CSMD1: variants seen among roughly 807,000 people sequenced by gnomAD.
CSMD1 encodes the protein CUB and Sushi multiple domains 1.
A neutral mutation model predicts 417.5 loss-of-function variants in CSMD1; 213 were observed. The ratio of observed to expected loss-of-function variants is 0.51; its 90% CI spans 0.46 to 0.57. CSMD1 has a LOEUF of 0.57. CSMD1 is among the 20% of genes least tolerant of loss of function. The pLI is 0.00. For synonymous variants in CSMD1, 2,862 were observed against 1,736.8 expected (o/e 1.65, Z -16.11); for missense variants, 6,923 against 4,529.7 (o/e 1.53, Z -15.17).
chr8:3,792,659 A>G (rs1006514434), intron 5 of CSMD1, among the ~76,000 whole-genome samples: 3 of 152,188 alleles, frequency 2.0e-5, no homozygotes, highest in Non-Finnish European at 4.4e-5. Context: ...ATGTTACAGA[A>G]AACAAAACAG....
chr8:3,482,366 G>C (rs977932258), intron 11 of CSMD1, among the ~76,000 whole-genome samples: 2 of 152,106 alleles, frequency 1.3e-5, no homozygotes, highest in African/African-American at 4.8e-5. Flanking sequence ...AAAAGCAGGA[G>C]TGCCTATGTT....
At chr8:4,196,156 A>G (rs542542768) in intron 3 of CSMD1, among the ~76,000 whole-genome samples, 1 of 152,246 alleles carries the variant, frequency 6.6e-6, no homozygotes, top group Admixed American at 6.5e-5. Flanking sequence ...GCTTGCAGGG[A>G]GCCGAGATCG....
intron 3 of CSMD1, among the ~76,000 whole-genome samples, chr8:4,408,911 T>C (rs1054102925): frequency 6.6e-6 from 1 of 152,194 alleles, no homozygotes; most frequent in Non-Finnish European, 1.5e-5. Flanking sequence ...CAACTTTAGG[T>C]AGCAAGAACA....
intron 3 of CSMD1, among the ~76,000 whole-genome samples, chr8:4,042,812 T>C (rs1239067968): frequency 4.1e-4 from 8 of 19,622 alleles, no homozygotes; most frequent in African/African-American, 1.5e-3. Context: ...TGGTACAACA[T>C]ATTAAAAAAA....
At chr8:3,998,134 A>G (rs1207718050) in intron 4 of CSMD1, 24 bp from the exon 5 acceptor site, 1 of 1,541,596 alleles carries the variant, frequency 6.5e-7, no homozygotes, top group Non-Finnish European at 8.8e-7. Flanking sequence ...AGCAGAAAGA[A>G]AGCATCACAT....
chr8:4,600,412 T>C (rs770657467), intron 2 of CSMD1, among the ~76,000 whole-genome samples: 3 of 152,176 alleles, frequency 2.0e-5, no homozygotes, highest in Admixed American at 1.3e-4. Flanking sequence ...TAGCTACAGA[T>C]GGATATGTTC....
At chr8:4,658,108 C>A (rs998604713) in intron 1 of CSMD1, among the ~76,000 whole-genome samples, 12 of 151,778 alleles carry the variant, frequency 7.9e-5, no homozygotes, top group African/African-American at 2.9e-4. Context: ...ACACATGGGG[C>A]ACCATGAAAC....
intron 2 of CSMD1, among the ~76,000 whole-genome samples, chr8:4,433,354 T>A (rs150139427): frequency 6.6e-6 from 1 of 152,114 alleles, no homozygotes; most frequent in Non-Finnish European, 1.5e-5. Flanking sequence ...TGCTATTATA[T>A]ACAACTCATA....
At chr8:4,200,989 C>T (rs1337264133) in intron 3 of CSMD1, among the ~76,000 whole-genome samples, 1 of 152,056 alleles carries the variant, frequency 6.6e-6, no homozygotes, top group Non-Finnish European at 1.5e-5. Context: ...ACTTTTTCTC[C>T]ACAGCGCCGT....
chr8:4,545,003 T>C lies in CSMD1; in HGVS notation c.302+92339A>G, dbSNP rs547980421. On this transcript the variant is annotated intron_variant, in intron 2 of 69. Coordinates refer to ENST00000635120, the MANE Select transcript of CSMD1 (RefSeq NM_033225.6). ...CATATTCGTAATGCATTTTACTCTATATTTATCACGCACGTATCTGAATGC... is the reference window on the plus strand; with the variant it reads ...CATATTCGTAATGCATTTTACTCTACATTTATCACGCACGTATCTGAATGC... Among the ~76,000 whole-genome samples, 6 of 152,334 alleles carry C rather than the reference T, an allele frequency of 3.9e-5. No individual in the cohort carries two copies. The South Asian group carries it at 1.2e-3, about 32-fold the overall frequency.
chr8:3,646,916 G>C (rs1343585523), intron 7 of CSMD1, among the ~76,000 whole-genome samples: 2 of 152,056 alleles, frequency 1.3e-5, no homozygotes, highest in African/African-American at 2.4e-5. Flanking sequence ...AGGTAGGGCA[G>C]ATACAAAAAA....
Position 3,223,824 on chromosome 8 carries a change from C to T in CSMD1, c.4389G>A (p.Leu1463=). Residue 1463 remains leucine (L), a synonymous_variant, in exon 28 of 70, where the codon TTG becomes TTA. Transcript: ENST00000635120. ...GNLTGPAGVI[L]SPNYPQPYPP... The stretch of plus-strand genomic sequence containing the variant: ...GATACGGCTGTGGGTAGTTGGGTGA[C>T]AAAATAACACCTGCTGGGCCCGTCA... 6.2e-7 allele frequency: 1 copy of T among 1,613,764 alleles called. No individual in the cohort carries two copies. The highest frequency in any genetic ancestry group is 1.3e-5 in the African/African-American group (1 of 74,990).
At chr8:3,309,393 G>A (rs1805150908) in intron 23 of CSMD1, among the ~76,000 whole-genome samples, 1 of 143,842 alleles carries the variant, frequency 7.0e-6, no homozygotes, top group Non-Finnish European at 1.5e-5. Context: ...TGAGGCTCTT[G>A]AGGAAATCCA....
intron 1 of CSMD1, among the ~76,000 whole-genome samples, chr8:4,864,389 A>C (rs1181893135): frequency 6.6e-6 from 1 of 151,952 alleles, no homozygotes. Context: ...TTTGTCTTTC[A>C]ATGGTTTAAA....
intron 1 of CSMD1, among the ~76,000 whole-genome samples, chr8:4,908,514 T>A (rs1382814569): frequency 6.6e-6 from 1 of 151,010 alleles, no homozygotes; most frequent in Non-Finnish European, 1.5e-5. Context: ...CATTCCATAG[T>A]TCTTGGATGT....
At chr8:4,991,916 G>C (rs1210001340) in intron 1 of CSMD1, among the ~76,000 whole-genome samples, 1 of 152,144 alleles carries the variant, frequency 6.6e-6, no homozygotes, top group Non-Finnish European at 1.5e-5. Context: ...GGAGCTCCAC[G>C]GACCCACTGC....
chr8:3,965,052 G>C (rs1467197654), intron 5 of CSMD1, among the ~76,000 whole-genome samples: 1 of 152,170 alleles, frequency 6.6e-6, no homozygotes. Flanking sequence ...TGTAAATATT[G>C]AGATAAAATC....
intron 18 of CSMD1, among the ~76,000 whole-genome samples, chr8:3,383,090 C>T (rs1360410265): frequency 9.8e-6 from 1 of 102,494 alleles, no homozygotes; most frequent in Non-Finnish European, 2.1e-5. Flanking sequence ...GACACTACAT[C>T]GTTCCTTACC....
chr8:4,050,094 T>C (rs1004802551), intron 3 of CSMD1, among the ~76,000 whole-genome samples: 3 of 152,140 alleles, frequency 2.0e-5, no homozygotes, highest in Admixed American at 6.5e-5. Context: ...GTGCACCAGG[T>C]TGTGGGTTGT....
Sources: gnomAD v4.1 joint callset for allele counts (sites outside exome capture counted in the v4.1 genomes callset) on GRCh38, gnomAD v4.1.1 for gene constraint, MANE v1.5 for transcripts, NCBI Gene and HGNC (gene_info 2026-07-23, HGNC 2026-07-21) for gene names.